DYSF: variants seen among roughly 807,000 people sequenced by gnomAD.
The protein encoded by DYSF is dystrophy-associated fer-1-like 1.
A neutral mutation model predicts 274.9 loss-of-function variants in DYSF; 212 were observed. The observed-to-expected ratio is 0.77, with a 90% CI of 0.69 to 0.86. The LOEUF is 0.86. Ranked by LOEUF, DYSF falls within the 40% of genes least tolerant of loss-of-function variation. The pLI is 0.00. For synonymous variants in DYSF, 1,091 were observed against 1,078.7 expected (o/e 1.01, Z -0.22); for missense variants, 2,666 against 2,783.2 (o/e 0.96, Z 0.95).
rs143073734 is a variant in DYSF, at chr2:71,615,744, C to A, written c.4464+2334C>A. On this transcript the variant is annotated intron_variant, in intron 40 of 55. Coordinates refer to ENST00000410020, the MANE Select transcript of DYSF (RefSeq NM_001130987.2). This position sits in a 1 kb window ranked among gnomAD's most constrained non-coding sequence, Gnocchi z 4.9. ...TAGATAACTATGGCTGGGCTTTCTTCCTCTCCCTCCTTCCCCAGTGCAGAT... is the reference window on the plus strand; with the variant it reads ...TAGATAACTATGGCTGGGCTTTCTTACTCTCCCTCCTTCCCCAGTGCAGAT... Among the ~76,000 whole-genome samples, 346 of 152,270 alleles carry A rather than the reference C, an allele frequency of 2.3e-3. No individual in the cohort carries two copies. Among genetic ancestry groups the A allele is most frequent in the African/African-American group, 8.1e-3 (338 of 41,572 alleles).
intron 13 of DYSF, among the ~76,000 whole-genome samples, 190 bp from the exon 14 acceptor site, chr2:71,528,108 C>G (rs906081857): frequency 2.0e-5 from 3 of 152,170 alleles, no homozygotes; most frequent in African/African-American, 7.2e-5. Context: ...CAAAGTGGCC[C>G]GGAGCTCTCA....
intron 29 of DYSF, among the ~76,000 whole-genome samples, chr2:71,571,370 A>T (rs1363242993): frequency 3.4e-5 from 5 of 146,366 alleles, no homozygotes; most frequent in Admixed American, 3.4e-4. Context: ...CACCCAGCAC[A>T]TGCACAGATC....
intron 36 of DYSF, among the ~76,000 whole-genome samples, chr2:71,603,357 G>A (rs146818861): frequency 1.6e-3 from 248 of 152,278 alleles, no homozygotes; most frequent in African/African-American, 5.8e-3. Context: ...TGCCATGGGA[G>A]GAGAGATGCA....
At chr2:71,497,332 T>C (rs1318422155) in intron 3 of DYSF, among the ~76,000 whole-genome samples, 2 of 152,230 alleles carry the variant, frequency 1.3e-5, no homozygotes, top group Admixed American at 6.5e-5. Context: ...AAATCTCATC[T>C]TGAGCTGTAG....
intron 44 of DYSF, among the ~76,000 whole-genome samples, chr2:71,660,207 A>G (rs977792118): frequency 2.6e-5 from 4 of 152,138 alleles, no homozygotes; most frequent in African/African-American, 9.7e-5. Flanking sequence ...CTCTCATTCC[A>G]TATGCTTAAG....
chr2:71,514,756 T>C (rs567824579), intron 7 of DYSF, among the ~76,000 whole-genome samples: 6 of 152,316 alleles, frequency 3.9e-5, no homozygotes, highest in Non-Finnish European at 7.4e-5. Flanking sequence ...TAAGCAGAAG[T>C]CCTAGCTCTA....
At chr2:71,503,790 C>T (rs564179093) in intron 4 of DYSF, among the ~76,000 whole-genome samples, 74 of 151,696 alleles carry the variant, frequency 4.9e-4, no homozygotes, top group Non-Finnish European at 9.3e-4. Context: ...CCTTTTCCTC[C>T]GTTGTTCTTC....
At chr2:71,513,690 G>A (rs200789688) in intron 6 of DYSF, 26 bp from the exon 7 acceptor site, 7 of 1,612,028 alleles carry the variant, frequency 4.3e-6, no homozygotes, top group Middle Eastern at 1.8e-4. Context: ...AGGGATCCAG[G>A]CCTCATTAGG....
intron 32 of DYSF, among the ~76,000 whole-genome samples, chr2:71,595,138 G>C (rs2093370314): frequency 6.6e-6 from 1 of 152,194 alleles, no homozygotes; most frequent in Non-Finnish European, 1.5e-5. Context: ...AGGGCATAGT[G>C]CCCAATTGCT....
At chr2:71,476,230 T>C (rs1489451634) in intron 1 of DYSF, among the ~76,000 whole-genome samples, 1 of 152,156 alleles carries the variant, frequency 6.6e-6, no homozygotes, top group Non-Finnish European at 1.5e-5. Flanking sequence ...CAATGGCAGC[T>C]AATACTACTG....
chr2:71,646,227 A>T (rs137978336), intron 42 of DYSF, among the ~76,000 whole-genome samples: 130 of 152,380 alleles, frequency 8.5e-4, no homozygotes, highest in Non-Finnish European at 1.4e-3. Flanking sequence ...GGTCTGACAC[A>T]TTAGGTCTGG....
At chr2:71,584,219 CA>C (rs1296418368) in intron 30 of DYSF, among the ~76,000 whole-genome samples, 1 of 151,884 alleles carries the variant, frequency 6.6e-6, no homozygotes, top group East Asian at 2.0e-4. Flanking sequence ...GGGCAGAAAC[CA>C]GGGCATCAGC....
chr2:71,613,777 T>G (rs2093822536), intron 40 of DYSF, among the ~76,000 whole-genome samples: 1 of 152,092 alleles, frequency 6.6e-6, no homozygotes. Context: ...TCTGGGGTCC[T>G]CCAGCCCCAT....
chr2:71,621,589 G>A (rs1044121320), intron 41 of DYSF, among the ~76,000 whole-genome samples: 1 of 146,792 alleles, frequency 6.8e-6, no homozygotes, highest in East Asian at 2.0e-4. Flanking sequence ...AAATTTAAAA[G>A]TATATATGAA....
chr2:71,587,934 C>T (rs1292293065), intron 30 of DYSF, among the ~76,000 whole-genome samples: 2 of 152,162 alleles, frequency 1.3e-5, no homozygotes, highest in Non-Finnish European at 2.9e-5. Context: ...GTTTTGCAGG[C>T]CCTTTGCAGC....
chr2:71,685,647 A>AG (rs1016888839), intron 55 of DYSF, among the ~76,000 whole-genome samples: 3 of 152,146 alleles, frequency 2.0e-5, no homozygotes, highest in African/African-American at 4.8e-5. Context: ...GAGGGGTATG[A>AG]GGGGGCAGCC....
chr2:71,656,389 G>T, intron 43 of DYSF, 99 bp downstream of exon 43: 3 of 1,561,024 alleles, frequency 1.9e-6, no homozygotes, highest in Non-Finnish European at 1.8e-6. Context: ...GGTGACCCTG[G>T]TGCTGATGTT....
chr2:71,490,111 A>G (rs1167701029), intron 3 of DYSF, among the ~76,000 whole-genome samples: 1 of 152,210 alleles, frequency 6.6e-6, no homozygotes, highest in African/African-American at 2.4e-5. Context: ...ACCCGGCTGT[A>G]CCTGAGTGTG....
At chr2:71,469,907 T>G (rs1256217347) in intron 1 of DYSF, among the ~76,000 whole-genome samples, 1 of 152,200 alleles carries the variant, frequency 6.6e-6, no homozygotes. Flanking sequence ...TTAATGTGAT[T>G]ATTTATATCC....
Sources: gnomAD v4.1 joint callset for allele counts (sites outside exome capture counted in the v4.1 genomes callset) on GRCh38, gnomAD v4.1.1 for gene constraint, Gnocchi (gnomAD v3.1) non-coding constraint, MANE v1.5 for transcripts, NCBI Gene and HGNC (gene_info 2026-07-23, HGNC 2026-07-21) for gene names.